Variants in MAST4 observed in about 807,000 individuals in gnomAD.
MAST4 encodes microtubule associated serine/threonine kinase family member 4, also known as microtubule-associated serine/threonine-protein kinase 4.
A neutral mutation model predicts 162.7 loss-of-function variants in MAST4; 89 were observed. The observed-to-expected ratio is 0.55, with a 90% CI of 0.46 to 0.65. MAST4 has a LOEUF of 0.65. MAST4 is among the 30% of genes least tolerant of loss of function. MAST4 has a pLI of 0.00. For missense variants in MAST4, 3,153 were observed against 3,374.0 expected (o/e 0.93, Z 1.62); for synonymous variants, 1,479 against 1,361.1 (o/e 1.09, Z -1.91).
intron 3 of MAST4, among the ~76,000 whole-genome samples, chr5:66,880,390 A>G (rs967873112): frequency 5.9e-5 from 9 of 152,232 alleles, no homozygotes; most frequent in Non-Finnish European, 1.0e-4. Context: ...TTTAAAAACT[A>G]AATGCTTCTC....
intron 4 of MAST4, among the ~76,000 whole-genome samples, chr5:66,992,050 A>C (rs1435879198): frequency 1.3e-5 from 2 of 152,220 alleles, no homozygotes; most frequent in African/African-American, 2.4e-5. Flanking sequence ...ATATATATTA[A>C]AACAATGATA....
chr5:67,154,930 C>T (rs1772299419), intron 26 of MAST4, among the ~76,000 whole-genome samples: 2 of 152,152 alleles, frequency 1.3e-5, no homozygotes, highest in South Asian at 4.1e-4. Context: ...CTCCTGTGTG[C>T]CTTCATTGGT....
intron 1 of MAST4, among the ~76,000 whole-genome samples, chr5:66,737,861 A>G (rs1240168574): frequency 6.6e-6 from 1 of 152,202 alleles, no homozygotes; most frequent in Non-Finnish European, 1.5e-5. Flanking sequence ...GAGGCTGATG[A>G]GGAAAGAAAA....
At chr5:67,111,442 G>GGT (rs1266893487) in intron 11 of MAST4, among the ~76,000 whole-genome samples, 1 of 152,040 alleles carries the variant, frequency 6.6e-6, no homozygotes, top group Admixed American at 6.5e-5. Context: ...GGAGTTGGGA[G>GGT]GTGTAGGGAA....
intron 4 of MAST4, chr5:67,005,068 G>A: frequency 1.3e-6 from 1 of 768,434 alleles, no homozygotes; most frequent in Non-Finnish European, 2.4e-6. Context: ...GTGGGAACAG[G>A]CTTCGGCGAA....
intron 4 of MAST4, among the ~76,000 whole-genome samples, chr5:67,036,055 A>G (rs925943157): frequency 2.0e-5 from 3 of 152,114 alleles, no homozygotes; most frequent in African/African-American, 4.8e-5. Flanking sequence ...CCCAACATCC[A>G]TTCCCTTTCC....
chr5:66,688,792 G>T (rs776466611), intron 1 of MAST4, among the ~76,000 whole-genome samples: 16 of 152,228 alleles, frequency 1.1e-4, no homozygotes, highest in South Asian at 2.1e-4. Flanking sequence ...CAATGGGAGG[G>T]GTGGGGAAGA....
intron 4 of MAST4, among the ~76,000 whole-genome samples, chr5:67,013,756 A>G (rs584354): frequency 0.44 from 67,563 of 151,948 alleles, 15,271 homozygotes; most frequent in African/African-American, 0.51. Flanking sequence ...AAAAAGTATA[A>G]GTATAAAATG....
chr5:66,734,849 A>G (rs1208895945), intron 1 of MAST4, among the ~76,000 whole-genome samples: 1 of 152,164 alleles, frequency 6.6e-6, no homozygotes, highest in Non-Finnish European at 1.5e-5. Context: ...CCTATTTTCT[A>G]GCTGTCAGGA....
chr5:66,970,438 G>A (rs1016229377), intron 4 of MAST4, among the ~76,000 whole-genome samples: 2 of 152,150 alleles, frequency 1.3e-5, no homozygotes, highest in African/African-American at 4.8e-5. Context: ...AGAACCTAGG[G>A]GATGAAGTCT....
chr5:66,943,952 T>TA (rs1346301279), intron 4 of MAST4, among the ~76,000 whole-genome samples: 1 of 152,164 alleles, frequency 6.6e-6, no homozygotes, highest in Non-Finnish European at 1.5e-5. Context: ...CAAGCATTCT[T>TA]ATAACAATCT....
intron 1 of MAST4, among the ~76,000 whole-genome samples, chr5:66,754,028 T>C (rs1209617717): frequency 7.9e-5 from 12 of 151,826 alleles, no homozygotes; most frequent in African/African-American, 2.7e-4. Context: ...ATCCATCACA[T>C]AAACAGAACC....
chr5:67,135,719 A>G (rs946533167), intron 18 of MAST4, among the ~76,000 whole-genome samples: 1 of 152,220 alleles, frequency 6.6e-6, no homozygotes, highest in Non-Finnish European at 1.5e-5. Flanking sequence ...AAGGGAATCA[A>G]CTGTTTAATT....
intron 4 of MAST4, among the ~76,000 whole-genome samples, chr5:66,937,048 T>C (rs1324203382): frequency 6.6e-6 from 1 of 152,134 alleles, no homozygotes; most frequent in East Asian, 1.9e-4. Flanking sequence ...CTTTCACTCA[T>C]TGGAGGTGGA....
intron 2 of MAST4, among the ~76,000 whole-genome samples, chr5:66,776,984 G>C (rs1426951222): frequency 6.6e-6 from 1 of 152,132 alleles, no homozygotes; most frequent in African/African-American, 2.4e-5. Flanking sequence ...ATCCTGGAGG[G>C]GGACCTGAAC....
At chr5:67,006,728 G>A (rs995356297) in intron 4 of MAST4, among the ~76,000 whole-genome samples, 26 of 152,240 alleles carry the variant, frequency 1.7e-4, no homozygotes, top group African/African-American at 6.3e-4. Context: ...GGATTCTCAG[G>A]CTGCTCTGAG....
At chr5:67,146,161 T>C (rs994340776) in intron 23 of MAST4, among the ~76,000 whole-genome samples, 4 of 152,042 alleles carry the variant, frequency 2.6e-5, no homozygotes, top group Admixed American at 6.6e-5. Context: ...CTTTGCATTT[T>C]TGGGAGGCAG....
intron 4 of MAST4, among the ~76,000 whole-genome samples, chr5:66,927,887 T>C (rs1183324537): frequency 7.9e-5 from 12 of 152,216 alleles, no homozygotes; most frequent in Admixed American, 7.2e-4. Context: ...ACCTGTTCCA[T>C]GCCTCTTCTA....
chr5:66,750,652 C>T (rs989085753), intron 1 of MAST4, among the ~76,000 whole-genome samples: 9 of 152,202 alleles, frequency 5.9e-5, no homozygotes, highest in Admixed American at 2.0e-4. Context: ...CCTACGCCCA[C>T]GGAGTCTCCC....
Sources: allele counts gnomAD v4.1 joint callset (sites outside exome capture counted in the v4.1 genomes callset), GRCh38; gene constraint gnomAD v4.1.1; transcripts MANE v1.5; gene names NCBI Gene and HGNC (gene_info 2026-07-23, HGNC 2026-07-21).